Variants in CSMD2 observed in about 807,000 individuals in gnomAD.
The protein encoded by CSMD2 is CUB and Sushi multiple domains 2.
A neutral mutation model predicts 398.5 loss-of-function variants in CSMD2; 130 were observed. The observed-to-expected ratio is 0.33, with a 90% confidence interval of 0.28 to 0.38. The LOEUF (loss-of-function observed/expected upper bound fraction) is 0.38, where lower values mean the gene tolerates loss of function less well. Ranked by LOEUF, CSMD2 falls within the 10% of genes least tolerant of loss-of-function variation. The pLI is 1.00. For missense variants in CSMD2, 3,829 were observed against 4,764.9 expected, an observed-to-expected ratio of 0.80 and a Z score of 5.78; for synonymous variants, 1,828 against 1,908.5, an observed-to-expected ratio of 0.96 and a Z score of 1.10.
intron 1 of CSMD2, among the ~76,000 whole-genome samples, chr1:34,103,218 T>G (rs1334057200): frequency 6.6e-6 from 1 of 151,828 alleles, no homozygotes; most frequent in Non-Finnish European, 1.5e-5. Context: ...TCATGATGAA[T>G]GTCATTGCCT....
At chr1:33,762,948 C>T (rs951494760) in intron 13 of CSMD2, among the ~76,000 whole-genome samples, 1 of 152,062 alleles carries the variant, frequency 6.6e-6, no homozygotes, top group African/African-American at 2.4e-5. Flanking sequence ...GAGTACTGGA[C>T]CATGCATCTC....
chr1:33,856,004 G>A (rs548576682), intron 5 of CSMD2, among the ~76,000 whole-genome samples: 3 of 152,312 alleles, frequency 2.0e-5, no homozygotes, highest in South Asian at 4.1e-4. Context: ...TTTCCTAGTT[G>A]TGTGAACATG....
intron 25 of CSMD2, among the ~76,000 whole-genome samples, chr1:33,675,204 A>T (rs1358251150): frequency 6.6e-6 from 1 of 152,190 alleles, no homozygotes; most frequent in Non-Finnish European, 1.5e-5. Context: ...AAATTGATAG[A>T]CTGCTAGCAA....
At chr1:33,881,120 A>T (rs1641208821) in intron 5 of CSMD2, among the ~76,000 whole-genome samples, 1 of 152,178 alleles carries the variant, frequency 6.6e-6, no homozygotes, top group Non-Finnish European at 1.5e-5. Context: ...GAAAAGAGTT[A>T]TGAGAGAAAT....
intron 1 of CSMD2, among the ~76,000 whole-genome samples, chr1:34,096,465 C>G (rs1189844108): frequency 6.6e-6 from 1 of 150,762 alleles, no homozygotes; most frequent in African/African-American, 2.5e-5. Flanking sequence ...AAGAGGAAGT[C>G]AAATTGTCCC....
chr1:33,634,647 T>C (rs1642686426), intron 31 of CSMD2, among the ~76,000 whole-genome samples: 2 of 152,204 alleles, frequency 1.3e-5, no homozygotes, highest in African/African-American at 4.8e-5. Flanking sequence ...TGGGTTGGTT[T>C]TTCTGCCCAC....
At chr1:34,070,405 G>A (rs1655597927) in intron 2 of CSMD2, among the ~76,000 whole-genome samples, 1 of 152,208 alleles carries the variant, frequency 6.6e-6, no homozygotes, top group Non-Finnish European at 1.5e-5. Context: ...TCCTGTGGCT[G>A]GAGGGCACTG....
intron 6 of CSMD2, among the ~76,000 whole-genome samples, chr1:33,840,366 T>C (rs1044498840): frequency 4.6e-5 from 7 of 152,208 alleles, no homozygotes; most frequent in African/African-American, 1.7e-4. Flanking sequence ...TATTTGTAGG[T>C]ACCCAGGACT....
At chr1:33,680,791 C>G (rs1644882704) in intron 25 of CSMD2, among the ~76,000 whole-genome samples, 1 of 152,056 alleles carries the variant, frequency 6.6e-6, no homozygotes, top group African/African-American at 2.4e-5. Context: ...TAGCACTGGA[C>G]TGTGAAGTGT....
chr1:33,973,793 G>A (rs1036240104), intron 3 of CSMD2, among the ~76,000 whole-genome samples: 1 of 152,190 alleles, frequency 6.6e-6, no homozygotes, highest in African/African-American at 2.4e-5. Context: ...GCACTGAGGA[G>A]AAGGTGCCTT....
chr1:33,935,620 C>T, intron 4 of CSMD2, 140 bp downstream of exon 4: 1 of 831,284 alleles, frequency 1.2e-6, no homozygotes, highest in Non-Finnish European at 1.8e-6. Context: ...ACCCTGAAAA[C>T]CCTCTGTGCT....
At chr1:34,064,135 C>T (rs9425984) in intron 2 of CSMD2, among the ~76,000 whole-genome samples, 34,490 of 152,172 alleles carry the variant, frequency 0.23, 4,275 homozygotes, top group Middle Eastern at 0.28. Flanking sequence ...TGGGAGGTGC[C>T]GCTGTGAAGG....
intron 3 of CSMD2, among the ~76,000 whole-genome samples, chr1:33,945,158 C>T (rs188296487): frequency 2.0e-5 from 3 of 152,160 alleles, no homozygotes; most frequent in Admixed American, 2.0e-4. Flanking sequence ...TTTAAAGAAG[C>T]ACCACCAAGA....
Position 33,851,765 on chromosome 1 carries a change from GGA to G in CSMD2, c.921-4771_921-4770del, listed in dbSNP as rs566897143. 3.8e-3 allele frequency among the ~76,000 whole-genome samples: 582 copies of G among 152,196 alleles called. 5 individuals carry two copies. Among genetic ancestry groups the G allele is most frequent in the African/African-American group, 0.013 (558 of 41,514 alleles). ...CAGTTTTCCTTTAGCTAAACTCCTA[GGA>G]CTTGCTATGTCAAGATAAATTCTTT... On this transcript the variant is annotated intron_variant, in intron 5 of 70. Coordinates refer to ENST00000373381, the MANE Select transcript of CSMD2 (RefSeq NM_001281956.2).
intron 3 of CSMD2, 84 bp downstream of exon 3, chr1:34,032,510 T>C (rs1650576473): frequency 1.2e-6 from 1 of 865,132 alleles, no homozygotes; most frequent in South Asian, 1.9e-5. Flanking sequence ...AACACTTCCC[T>C]GCATCTGTGA....
At chr1:33,775,103 A>T (rs1651796937) in intron 12 of CSMD2, among the ~76,000 whole-genome samples, 1 of 152,264 alleles carries the variant, frequency 6.6e-6, no homozygotes, top group African/African-American at 2.4e-5. Context: ...CCTCATCTAC[A>T]AAATTTCAAG....
chr1:33,821,480 C>A (rs1254132061), intron 7 of CSMD2, among the ~76,000 whole-genome samples: 1 of 152,204 alleles, frequency 6.6e-6, no homozygotes, highest in Non-Finnish European at 1.5e-5. Flanking sequence ...CCTCACCAAT[C>A]CCATGACCCC....
At chr1:33,859,669 A>C (rs866167386) in intron 5 of CSMD2, among the ~76,000 whole-genome samples, 9 of 152,216 alleles carry the variant, frequency 5.9e-5, no homozygotes, top group African/African-American at 1.7e-4. Flanking sequence ...CACTCCACAG[A>C]GGAAGGGGCA....
At chr1:33,796,733 T>A (rs7516508) in intron 10 of CSMD2, among the ~76,000 whole-genome samples, 65,695 of 152,106 alleles carry the variant, frequency 0.43, 16,203 homozygotes, top group East Asian at 0.66. Flanking sequence ...GCCTGCAGGG[T>A]TGGGCAGAAT....
Sources: gnomAD v4.1 joint callset for allele counts (sites outside exome capture counted in the v4.1 genomes callset) on GRCh38, gnomAD v4.1.1 for gene constraint, MANE v1.5 for transcripts, NCBI Gene and HGNC (gene_info 2026-07-23, HGNC 2026-07-21) for gene names.